Variants in ARHGEF12 observed in about 807,000 individuals in gnomAD.
ARHGEF12 encodes KMT2A/ARHGEF12 fusion protein.
Under a neutral mutation model 211.2 loss-of-function variants are expected in ARHGEF12, and 66 were observed. That is an observed-to-expected ratio of 0.31 (90% confidence interval 0.26 to 0.38). ARHGEF12 has a LOEUF of 0.38. Ranked by LOEUF, ARHGEF12 falls within the 10% of genes least tolerant of loss-of-function variation. ARHGEF12 has a pLI of 1.00. For synonymous variants in ARHGEF12, 592 were observed against 638.4 expected (o/e 0.93, Z 1.09); for missense variants, 1,429 against 1,869.5 (o/e 0.76, Z 4.34).
Position 120,480,346 on chromosome 11 carries a change from C to G in ARHGEF12, c.4153C>G (p.Arg1385Gly), listed in dbSNP as rs750431916. The change falls in exon 38 of 41, where the codon CGT (arginine) becomes GGT (glycine). Residue 1385 changes from arginine to glycine, a missense_variant. Physicochemically the swap from Arg to Gly is moderately radical, Grantham distance 125. Coordinates refer to ENST00000397843, the MANE Select transcript of ARHGEF12 (RefSeq NM_015313.3). ...CAGTGGAGAGCACTTTTTTGATGCC[C>G]GTGAAGCACATAGTGATGAGAATCC... Reference protein sequence around the residue: ...DDSGEHFFDAREAHSDENPSE... With the variant: ...DDSGEHFFDAGEAHSDENPSE... 3 of 1,614,030 alleles carry G rather than the reference C, an allele frequency of 1.9e-6. 1 individual carries two copies. The South Asian group carries it at 3.3e-5, about 18-fold the overall frequency.
intron 1 of ARHGEF12, among the ~76,000 whole-genome samples, chr11:120,354,329 C>T (rs369630699): frequency 1.3e-5 from 2 of 152,168 alleles, no homozygotes; most frequent in African/African-American, 4.8e-5. Context: ...GACATCATAA[C>T]TCTCCCCACC....
At chr11:120,466,533 C>G (rs563673421) in intron 28 of ARHGEF12, among the ~76,000 whole-genome samples, 1 of 152,298 alleles carries the variant, frequency 6.6e-6, no homozygotes, top group African/African-American at 2.4e-5. Context: ...TGTGATATCC[C>G]ATTGTAATCA....
In ARHGEF12 at chr11:120,429,526, T is replaced by A; in HGVS notation, c.663+9T>A. ...AACAGGAACGGCTACAGGTATTAAA[T>A]GAGAAGTAGGGCTGTTTACAGGCCA... is the stretch of plus-strand genomic sequence containing the variant. On this transcript the variant is annotated intron_variant, in intron 9 of 40. Coordinates refer to ENST00000397843, the MANE Select transcript of ARHGEF12 (RefSeq NM_015313.3). The A allele has an allele frequency of 1.2e-6, 2 of 1,612,788 alleles. No individual in the cohort carries two copies. Among genetic ancestry groups the A allele is most frequent in the Non-Finnish European group, 1.7e-6 (2 of 1,179,448 alleles).
At chr11:120,448,151 G>A (rs1435075998) in intron 19 of ARHGEF12, 83 bp from the exon 20 acceptor site, 1 of 1,042,730 alleles carries the variant, frequency 9.6e-7, no homozygotes, top group Non-Finnish European at 1.4e-6. Flanking sequence ...CCAACCTTGG[G>A]GTTTTGGAAA....
At chr11:120,382,405 A>T (rs1330629285) in intron 1 of ARHGEF12, among the ~76,000 whole-genome samples, 1 of 152,240 alleles carries the variant, frequency 6.6e-6, no homozygotes, top group East Asian at 1.9e-4. Flanking sequence ...TGAATAAACT[A>T]CAGTTTTAAA....
chr11:120,473,977 T>C (rs1946952942), intron 31 of ARHGEF12, among the ~76,000 whole-genome samples: 1 of 152,246 alleles, frequency 6.6e-6, no homozygotes. Flanking sequence ...CATATATTAA[T>C]ACTTCGTCAA....
chr11:120,433,097 C>T (rs1473502815), intron 11 of ARHGEF12, among the ~76,000 whole-genome samples: 2 of 152,078 alleles, frequency 1.3e-5, no homozygotes, highest in African/African-American at 4.8e-5. Flanking sequence ...TCAAAACAGC[C>T]TTATGAAGTA....
intron 22 of ARHGEF12, among the ~76,000 whole-genome samples, chr11:120,452,413 G>A (rs146319233): frequency 4.1e-4 from 63 of 152,284 alleles, no homozygotes; most frequent in African/African-American, 1.5e-3. Context: ...TTGTTTGGGA[G>A]GCGGTTCAAT....
rs997072610 is a variant in ARHGEF12 at position 120,469,339 on chromosome 11, A to G, written c.2906A>G (p.Gln969Arg). The G allele has an allele frequency of 4.3e-6, 7 of 1,613,488 alleles. No individual in the cohort carries two copies. Among genetic ancestry groups the G allele is most frequent in the Non-Finnish European group, 5.9e-6 (7 of 1,179,740 alleles). ...KVKKAADHCRQILNYVNQAVK... is the reference protein window; with the variant it reads ...KVKKAADHCRRILNYVNQAVK... Reference sequence around the variant, plus strand: ...AAGAAAGCTGCAGATCACTGTCGTCAGATCTTAAATTATGTAAATCAGGCT... The same window carrying G: ...AAGAAAGCTGCAGATCACTGTCGTCGGATCTTAAATTATGTAAATCAGGCT... Residue 969 changes from glutamine to arginine, a missense_variant, in exon 30 of 41, where the codon CAG (glutamine) becomes CGG (arginine). Around this residue, in one of 7 missense-constraint regions of ARHGEF12, gnomAD observed 223 missense variants for 444.6 expected, o/e 0.50. Transcript: ENST00000397843.
intron 1 of ARHGEF12, among the ~76,000 whole-genome samples, chr11:120,344,703 G>A (rs1327259052): frequency 1.3e-5 from 2 of 152,160 alleles, no homozygotes; most frequent in Non-Finnish European, 2.9e-5. Flanking sequence ...TGGTTATAAT[G>A]ATGTATTATT....
chr11:120,457,962 T>G, intron 24 of ARHGEF12, 118 bp from the exon 25 acceptor site: 1 of 1,294,130 alleles, frequency 7.7e-7, no homozygotes, highest in South Asian at 1.4e-5. Context: ...AGGATGAAAT[T>G]TCAGTGCTAA....
chr11:120,340,696 C>A (rs1222790665), intron 1 of ARHGEF12, among the ~76,000 whole-genome samples: 1 of 152,024 alleles, frequency 6.6e-6, no homozygotes, highest in East Asian at 1.9e-4. Flanking sequence ...GTAACCTTTT[C>A]TTGTAAAGTC....
chr11:120,356,748 T>C (rs1436817432), intron 1 of ARHGEF12, among the ~76,000 whole-genome samples: 2 of 152,200 alleles, frequency 1.3e-5, no homozygotes, highest in African/African-American at 4.8e-5. Flanking sequence ...CCAAAGATGA[T>C]ACCTTCTATT....
chr11:120,457,213 T>C lies in ARHGEF12; in HGVS notation c.2152T>C (p.Leu718=). 6.2e-7 allele frequency: 1 copy of C among 1,614,066 alleles called. No homozygotes were observed. Among genetic ancestry groups the C allele is most frequent in the Non-Finnish European group, 8.5e-7 (1 of 1,179,972 alleles). The stretch of plus-strand genomic sequence containing the variant: ...TGTCTTTGATTTCCCACCACCTCCA[T>C]TAGACCAAGTGCAGGAGGAGGAATG... ...NTVFDFPPPP[L]DQVQEEECEV... The change falls in exon 23 of 41, where the codon TTA becomes CTA. Residue 718 remains leucine, a synonymous_variant. Transcript: ENST00000397843.
At chr11:120,398,528 G>T (rs540647450) in intron 1 of ARHGEF12, among the ~76,000 whole-genome samples, 108 of 152,202 alleles carry the variant, frequency 7.1e-4, no homozygotes, top group African/African-American at 2.4e-3. Context: ...TATCGATGGT[G>T]GTTTGAAAGT....
At chr11:120,382,499 A>G (rs1273192026) in intron 1 of ARHGEF12, among the ~76,000 whole-genome samples, 1 of 152,264 alleles carries the variant, frequency 6.6e-6, no homozygotes, top group African/African-American at 2.4e-5. Context: ...CTTCACAGAC[A>G]TGTATTTTTG....
rs1173686626 is a variant in ARHGEF12, at chr11:120,488,228, G to A, written c.*3151G>A. 1.9e-5 allele frequency: 4 copies of A among 214,734 alleles called. No homozygotes were observed. The South Asian group carries it at 5.7e-4, about 30-fold the overall frequency. The allele number at this position is 214,734 out of a possible 1,614,324, so 13.3% of individuals were successfully genotyped here. On this transcript the variant is annotated 3_prime_UTR_variant, in exon 41 of 41. Coordinates refer to ENST00000397843, the MANE Select transcript of ARHGEF12 (RefSeq NM_015313.3). The stretch of plus-strand genomic sequence containing the variant: ...GATGTTAGTAAATTTGGTGTAATAC[G>A]TGGGGCTTCCATATTTCAAAGTGGA...
intron 1 of ARHGEF12, among the ~76,000 whole-genome samples, chr11:120,343,144 C>T (rs1189133161): frequency 4.0e-5 from 6 of 151,814 alleles, no homozygotes. Flanking sequence ...TTGTTAATGA[C>T]AAGACAGTGT....
chr11:120,448,871 A>G, intron 20 of ARHGEF12: 1 of 426,722 alleles, frequency 2.3e-6, no homozygotes. Flanking sequence ...CTATAAAACT[A>G]CCCTTTGATT....
Sources: gnomAD v4.1 joint callset for allele counts (sites outside exome capture counted in the v4.1 genomes callset) on GRCh38, gnomAD v4.1.1 for gene constraint, gnomAD v4.1.1 regional missense constraint, MANE v1.5 for transcripts, NCBI Gene and HGNC (gene_info 2026-07-23, HGNC 2026-07-21) for gene names.